The following PDZRN4 variants were observed in gnomAD, a reference collection of about 807,000 sequenced individuals.
The protein encoded by PDZRN4 is PDZ domain-containing RING finger protein 4.
In PDZRN4, 70 loss-of-function variants were observed where a neutral mutation model predicts 99.0. The observed-to-expected ratio is 0.71, with a 90% CI of 0.58 to 0.86. PDZRN4 has a LOEUF of 0.86. Among genes scored for constraint, PDZRN4 ranks in the 40% least tolerant of loss-of-function variants. PDZRN4 has a pLI of 0.00. For missense variants in PDZRN4, 1,474 were observed against 1,331.2 expected (o/e 1.11, Z -1.67); for synonymous variants, 551 against 501.6 (o/e 1.10, Z -1.32).
intron 3 of PDZRN4, among the ~76,000 whole-genome samples, chr12:41,447,061 G>A (rs954050720): frequency 6.6e-6 from 1 of 151,968 alleles, no homozygotes; most frequent in African/African-American, 2.4e-5. Flanking sequence ...AAGTGAAGGG[G>A]CTTAGTGCCG....
chr12:41,283,214 C>T (rs546014821), intron 3 of PDZRN4, among the ~76,000 whole-genome samples: 4 of 152,168 alleles, frequency 2.6e-5, no homozygotes, highest in South Asian at 2.1e-4. Context: ...TACAAACTAC[C>T]GTCAGAGAAT....
Position 41,573,130 on chromosome 12 carries a change from G to A in PDZRN4, c.2351G>A (p.Gly784Glu), listed in dbSNP as rs1317933707. ...STMAATQSSS[G>E]QSSKESTSTK... ...ATGGCAGCCACCCAGTCCTCTTCCG[G>A]ACAGAGCAGTAAAGAGTCGACCTCC... Residue 784 changes from glycine to glutamate, a missense_variant, in exon 10 of 10, where the codon GGA becomes GAA. Gly to Glu is a moderately conservative substitution (Grantham distance 98). Coordinates refer to ENST00000402685, the MANE Select transcript of PDZRN4 (RefSeq NM_001164595.2). 6.2e-7 allele frequency: 1 copy of A among 1,614,108 alleles called. No homozygotes were observed. The highest frequency in any genetic ancestry group is 8.5e-7 in the Non-Finnish European group (1 of 1,180,020).
intron 3 of PDZRN4, among the ~76,000 whole-genome samples, chr12:41,393,625 A>G (rs1218995666): frequency 2.6e-5 from 4 of 152,200 alleles, no homozygotes; most frequent in Non-Finnish European, 5.9e-5. Flanking sequence ...CTCAACAACA[A>G]TTTAAAACAA....
intron 3 of PDZRN4, among the ~76,000 whole-genome samples, chr12:41,442,189 C>CT (rs1328358075): frequency 6.6e-6 from 1 of 152,056 alleles, no homozygotes; most frequent in African/African-American, 2.4e-5. Flanking sequence ...GCTCCAGACT[C>CT]TATTTTTTGC....
chr12:41,416,287 G>T (rs1398941654), intron 3 of PDZRN4, among the ~76,000 whole-genome samples: 1 of 152,084 alleles, frequency 6.6e-6, no homozygotes, highest in African/African-American at 2.4e-5. Flanking sequence ...GTAAATAAGA[G>T]AATCTTTTTC....
chr12:41,436,663 A>T (rs1465111460), intron 3 of PDZRN4, among the ~76,000 whole-genome samples: 1 of 152,196 alleles, frequency 6.6e-6, no homozygotes, highest in Non-Finnish European at 1.5e-5. Flanking sequence ...TTCTTTTATT[A>T]TCTGCTTTAG....
At chr12:41,515,542 G>A (rs1341592787) in intron 5 of PDZRN4, among the ~76,000 whole-genome samples, 1 of 152,018 alleles carries the variant, frequency 6.6e-6, no homozygotes, top group Non-Finnish European at 1.5e-5. Flanking sequence ...TTAAAGATAA[G>A]ATGGTATTCT....
chr12:41,502,451 A>G (rs375648236), intron 3 of PDZRN4, among the ~76,000 whole-genome samples: 167 of 152,260 alleles, frequency 1.1e-3, no homozygotes, highest in African/African-American at 3.9e-3. Context: ...ATCCTTCTGC[A>G]TGCAAACTCA....
chr12:41,240,215 T>C (rs1349603552), intron 3 of PDZRN4, among the ~76,000 whole-genome samples: 1 of 152,212 alleles, frequency 6.6e-6, no homozygotes, highest in Non-Finnish European at 1.5e-5. Flanking sequence ...GCCAGAAGTC[T>C]TTTTGAGGGT....
intron 3 of PDZRN4, among the ~76,000 whole-genome samples, chr12:41,313,894 A>G (rs2120956986): frequency 6.6e-6 from 1 of 152,302 alleles, no homozygotes; most frequent in African/African-American, 2.4e-5. Context: ...TTTTGAAGAG[A>G]AAATTGTTGA....
At chr12:41,338,234 T>G (rs955965603) in intron 3 of PDZRN4, among the ~76,000 whole-genome samples, 2 of 152,148 alleles carry the variant, frequency 1.3e-5, no homozygotes, top group African/African-American at 4.8e-5. Flanking sequence ...AATGTTCTAT[T>G]TCAGTAGTAA....
intron 3 of PDZRN4, among the ~76,000 whole-genome samples, chr12:41,435,937 A>T (rs1952625152): frequency 6.6e-6 from 1 of 152,214 alleles, no homozygotes; most frequent in African/African-American, 2.4e-5. Context: ...ACTTCATGGG[A>T]AGTGATATAG....
intron 3 of PDZRN4, among the ~76,000 whole-genome samples, chr12:41,223,635 G>A (rs1435660618): frequency 6.6e-6 from 1 of 152,116 alleles, no homozygotes; most frequent in Non-Finnish European, 1.5e-5. Flanking sequence ...GGAGTTGTTA[G>A]GCCATTAAGT....
intron 3 of PDZRN4, among the ~76,000 whole-genome samples, chr12:41,340,041 G>A (rs1951805215): frequency 6.6e-6 from 1 of 151,978 alleles, no homozygotes; most frequent in Non-Finnish European, 1.5e-5. Flanking sequence ...ACTAAAAATA[G>A]ACCTCCTATA....
chr12:41,510,046 T>C lies in PDZRN4; in HGVS notation c.1203+133T>C, dbSNP rs988892445. On this transcript the variant is annotated intron_variant, in intron 5 of 9. Transcript: ENST00000402685. ...CATATCCAGTGTAAGATCTTTCAAA[T>C]ACTATTTGCTTTAGCTATGTGGCTC... The C allele has an allele frequency of 1.7e-5, 8 of 469,254 alleles. No homozygotes were observed. In the East Asian group the frequency reaches 2.0e-4, roughly 12 times the overall value. The allele number at this position is 469,254 out of a possible 1,614,324, so 29.1% of individuals were successfully genotyped here.
At chr12:41,419,970 C>T (rs1952476277) in intron 3 of PDZRN4, among the ~76,000 whole-genome samples, 1 of 152,036 alleles carries the variant, frequency 6.6e-6, no homozygotes, top group African/African-American at 2.4e-5. Context: ...GTTTCCATGT[C>T]CTTGAAGGAA....
At chr12:41,519,441 G>T (rs1025588707) in intron 5 of PDZRN4, among the ~76,000 whole-genome samples, 16 of 152,152 alleles carry the variant, frequency 1.1e-4, no homozygotes, top group African/African-American at 3.9e-4. Context: ...TCCACAAAAT[G>T]TTCTCAGTTG....
chr12:41,323,791 T>A (rs557781741), intron 3 of PDZRN4, among the ~76,000 whole-genome samples: 3 of 152,140 alleles, frequency 2.0e-5, no homozygotes, highest in African/African-American at 7.2e-5. Context: ...CACATTAGTT[T>A]TATTTTATTA....
At chr12:41,290,576 T>C (rs1464719622) in intron 3 of PDZRN4, among the ~76,000 whole-genome samples, 2 of 152,114 alleles carry the variant, frequency 1.3e-5, no homozygotes, top group Non-Finnish European at 2.9e-5. Flanking sequence ...GATATATATA[T>C]ACAAACACTT....
Sources: allele counts gnomAD v4.1 joint callset (sites outside exome capture counted in the v4.1 genomes callset), GRCh38; gene constraint gnomAD v4.1.1; transcripts MANE v1.5; gene names NCBI Gene and HGNC (gene_info 2026-07-23, HGNC 2026-07-21).